The following GPR107 variants were observed in gnomAD, a reference collection of about 807,000 sequenced individuals.
The protein encoded by GPR107 is G protein-coupled receptor 107.
GPR107 carries 31 observed loss-of-function variants against 75.5 expected under a neutral mutation model. The ratio of observed to expected loss-of-function variants is 0.41; its 90% CI spans 0.31 to 0.55. The LOEUF is 0.55. GPR107 is among the 20% of genes least tolerant of loss of function. GPR107 has a pLI of 0.26. For synonymous variants in GPR107, 267 were observed against 251.3 expected (o/e 1.06, Z -0.59); for missense variants, 572 against 665.7 (o/e 0.86, Z 1.55).
intron 5 of GPR107, among the ~76,000 whole-genome samples, chr9:130,083,044 C>T (rs982994038): frequency 6.6e-6 from 1 of 152,044 alleles, no homozygotes; most frequent in Non-Finnish European, 1.5e-5. Context: ...TGTCAGCCTC[C>T]CGAGTAGCTG....
intron 14 of GPR107, among the ~76,000 whole-genome samples, chr9:130,114,051 AT>A (rs35152076): frequency 0.31 from 25,375 of 82,806 alleles, 2,632 homozygotes; most frequent in Non-Finnish European, 0.35. Context: ...TTTTTTTTTC[AT>A]TTTTTTTTTT....
intron 15 of GPR107, among the ~76,000 whole-genome samples, chr9:130,125,400 CTTTTTT>C (rs386416334): frequency 7.4e-6 from 1 of 135,648 alleles, no homozygotes; most frequent in African/African-American, 2.7e-5. Flanking sequence ...TGCTTTTTTG[CTTTTTT>C]TTTTTTTTTA....
chr9:130,108,693 C>T, intron 14 of GPR107: 2 of 455,544 alleles, frequency 4.4e-6, no homozygotes, highest in Non-Finnish European at 8.8e-6. Flanking sequence ...GCTTCTGCGA[C>T]CTGCACCAGC....
At chr9:130,100,189 C>G (rs1051554539) in intron 10 of GPR107, among the ~76,000 whole-genome samples, 7 of 152,128 alleles carry the variant, frequency 4.6e-5, no homozygotes, top group Non-Finnish European at 8.8e-5. Context: ...GCCACCACGC[C>G]CGGCCTCCAC....
chr9:130,106,600 T>TAAAG (rs1831162105), intron 13 of GPR107, among the ~76,000 whole-genome samples: 2 of 103,190 alleles, frequency 1.9e-5, no homozygotes, highest in Admixed American at 2.1e-4. Flanking sequence ...TGTCTCAAAA[T>TAAAG]AAATAAATAA....
chr9:130,092,150 A>T, intron 8 of GPR107, 98 bp from the exon 9 acceptor site: 1 of 1,035,750 alleles, frequency 9.7e-7, no homozygotes, highest in Non-Finnish European at 1.5e-6. Context: ...ACTGGTACTT[A>T]CTTTCTTAAG....
intron 14 of GPR107, among the ~76,000 whole-genome samples, chr9:130,110,640 A>G (rs1023946626): frequency 1.3e-5 from 2 of 152,298 alleles, no homozygotes; most frequent in Admixed American, 1.3e-4. Context: ...TATGCTTGCG[A>G]CACTCCCAGA....
rs548917076 is a variant in GPR107 at position 130,063,485 on chromosome 9, C to T, written c.141+9412C>T. On this transcript the variant is annotated intron_variant, in intron 1 of 17. Transcript: ENST00000347136. ...GATTACAGGCATGAGCCACCGTACCCGGCTATAACATGCTTTTTAAATTAT... is the reference window on the plus strand; with the variant it reads ...GATTACAGGCATGAGCCACCGTACCTGGCTATAACATGCTTTTTAAATTAT... 1.2e-4 allele frequency among the ~76,000 whole-genome samples: 18 copies of T among 152,270 alleles called. No homozygotes were observed. The South Asian group carries it at 2.5e-3, about 21-fold the overall frequency.
At chr9:130,118,617 C>T (rs1831480217) in intron 14 of GPR107, among the ~76,000 whole-genome samples, 1 of 152,106 alleles carries the variant, frequency 6.6e-6, no homozygotes, top group African/African-American at 2.4e-5. Context: ...GTCAGCCTTA[C>T]AGGACCCCCA....
chr9:130,054,455 C>T (rs1480512164), intron 1 of GPR107, among the ~76,000 whole-genome samples: 1 of 152,240 alleles, frequency 6.6e-6, no homozygotes, highest in Non-Finnish European at 1.5e-5. Flanking sequence ...GCGGTCTCCG[C>T]TCTTCTGTGC....
At chr9:130,078,915 C>T (rs1830423061) in intron 4 of GPR107, among the ~76,000 whole-genome samples, 1 of 152,170 alleles carries the variant, frequency 6.6e-6, no homozygotes, top group Admixed American at 6.5e-5. Flanking sequence ...TATTAGGAGG[C>T]AACTAACAGT....
chr9:130,131,297 G>T (rs1831821625), intron 17 of GPR107, among the ~76,000 whole-genome samples: 2 of 152,044 alleles, frequency 1.3e-5, no homozygotes. Context: ...TCCTCACATC[G>T]TGGGGGCCCC....
chr9:130,081,455 C>G (rs998038356), intron 5 of GPR107, among the ~76,000 whole-genome samples: 3 of 151,730 alleles, frequency 2.0e-5, no homozygotes, highest in Non-Finnish European at 4.4e-5. Flanking sequence ...GGGCAGATCA[C>G]AAGGTCAAGA....
chr9:130,099,868 CTTTTTTTTTTTTTTTTTT>C (rs71387314), intron 10 of GPR107, among the ~76,000 whole-genome samples: 1 of 90,024 alleles, frequency 1.1e-5, no homozygotes, highest in Non-Finnish European at 2.1e-5. Context: ...GTTTCCACGA[CTTTTTTTTTTTTTTTTTT>C]TTTTTTTTTT....
intron 15 of GPR107, among the ~76,000 whole-genome samples, chr9:130,125,400 CTT>C (rs386416334): frequency 8.8e-5 from 12 of 135,608 alleles, no homozygotes; most frequent in Admixed American, 1.5e-4. Context: ...TGCTTTTTTG[CTT>C]TTTTTTTTTT....
intron 14 of GPR107, among the ~76,000 whole-genome samples, chr9:130,121,705 C>G (rs1298598264): frequency 6.6e-6 from 1 of 152,252 alleles, no homozygotes; most frequent in Non-Finnish European, 1.5e-5. Context: ...GGGAAACCCT[C>G]TCTTTCACTC....
chr9:130,084,047 C>CATACATAT (rs1554892942), intron 6 of GPR107, among the ~76,000 whole-genome samples: 13 of 130,908 alleles, frequency 9.9e-5, no homozygotes, highest in African/African-American at 3.6e-4. Context: ...AGAGAGCTAA[C>CATACATAT]ATATATATAT....
intron 1 of GPR107, among the ~76,000 whole-genome samples, chr9:130,062,820 A>G (rs891727098): frequency 6.6e-6 from 1 of 150,504 alleles, no homozygotes; most frequent in Non-Finnish European, 1.5e-5. Context: ...TTTGGGCTCA[A>G]GGGATCCTCC....
At chr9:130,074,994 G>T (rs923366526) in intron 1 of GPR107, among the ~76,000 whole-genome samples, 3 of 150,772 alleles carry the variant, frequency 2.0e-5, no homozygotes, top group South Asian at 2.1e-4. Context: ...CTCCTGCCCT[G>T]GAATTCACAT....
Sources: gnomAD v4.1 joint callset for allele counts (sites outside exome capture counted in the v4.1 genomes callset) on GRCh38, gnomAD v4.1.1 for gene constraint, MANE v1.5 for transcripts, NCBI Gene and HGNC (gene_info 2026-07-23, HGNC 2026-07-21) for gene names.